TIMD4: variants seen among roughly 807,000 people sequenced by gnomAD.
The protein encoded by TIMD4 is T-cell immunoglobulin and mucin domain-containing protein 4.
TIMD4 carries 31 observed loss-of-function variants against 41.2 expected under a neutral mutation model. The observed-to-expected ratio is 0.75, with a 90% CI of 0.57 to 1.01. TIMD4 has a LOEUF of 1.01. TIMD4 is among the 50% of genes least tolerant of loss of function. The pLI, the probability that TIMD4 is intolerant of heterozygous loss-of-function variation, is 0.00. For synonymous variants in TIMD4, 204 were observed against 177.1 expected, an observed-to-expected ratio of 1.15 and a Z score of -1.21; for missense variants, 479 against 472.5, an observed-to-expected ratio of 1.01 and a Z score of -0.13.
chr5:156,929,096 G>A (rs899640436), intron 5 of TIMD4, among the ~76,000 whole-genome samples: 5 of 152,078 alleles, frequency 3.3e-5, no homozygotes, highest in Non-Finnish European at 5.9e-5. Context: ...GCACTCCAAG[G>A]GCTACAGTGT....
chr5:156,934,226 T>C (rs1439740557), intron 5 of TIMD4, among the ~76,000 whole-genome samples: 10 of 152,230 alleles, frequency 6.6e-5, no homozygotes, highest in Non-Finnish European at 1.2e-4. Context: ...GGCACAGTTA[T>C]AAGCACTTTG....
chr5:156,948,338 A>AAT, intron 5 of TIMD4, 78 bp downstream of exon 5: 1 of 852,842 alleles, frequency 1.2e-6, no homozygotes, highest in Non-Finnish European at 1.5e-6. Context: ...AAAAAAAAAA[A>AAT]GCAAGATTCT....
At chr5:156,926,957 C>T (rs1759358943) in intron 5 of TIMD4, among the ~76,000 whole-genome samples, 1 of 152,124 alleles carries the variant, frequency 6.6e-6, no homozygotes, top group Non-Finnish European at 1.5e-5. Flanking sequence ...TGAGAATCTA[C>T]CAAATGCTAA....
intron 7 of TIMD4, among the ~76,000 whole-genome samples, chr5:156,920,944 A>C (rs1248601487): frequency 6.6e-6 from 1 of 152,170 alleles, no homozygotes; most frequent in African/African-American, 2.4e-5. Context: ...TTATTATTCA[A>C]ATCAGCTGAG....
chr5:156,926,830 T>A (rs1249728027), intron 5 of TIMD4, among the ~76,000 whole-genome samples: 1 of 152,196 alleles, frequency 6.6e-6, no homozygotes, highest in Non-Finnish European at 1.5e-5. Context: ...GGACATATCA[T>A]GAGGATGCCA....
intron 5 of TIMD4, among the ~76,000 whole-genome samples, chr5:156,940,710 C>T (rs555584897): frequency 1.3e-5 from 2 of 151,088 alleles, no homozygotes; most frequent in South Asian, 2.1e-4. Flanking sequence ...GGAGCCCCTC[C>T]GCCCGGCAGC....
At chr5:156,949,401 C>A (rs1759808415) in intron 4 of TIMD4, among the ~76,000 whole-genome samples, 1 of 147,830 alleles carries the variant, frequency 6.8e-6, no homozygotes, top group Admixed American at 7.0e-5. Context: ...CAAGAAGGGT[C>A]TTCCTTTTCC....
At chr5:156,940,104 G>A (rs1441073727) in intron 5 of TIMD4, among the ~76,000 whole-genome samples, 1 of 152,244 alleles carries the variant, frequency 6.6e-6, no homozygotes, top group Non-Finnish European at 1.5e-5. Flanking sequence ...TTGCAGGCGC[G>A]TGCCGCCAGG....
intron 7 of TIMD4, among the ~76,000 whole-genome samples, chr5:156,921,194 A>C (rs1759230712): frequency 6.6e-6 from 1 of 152,022 alleles, no homozygotes; most frequent in Non-Finnish European, 1.5e-5. Flanking sequence ...AAAACTACAG[A>C]CCTTGTCCCC....
At chr5:156,960,844 T>C (rs946489077) in intron 1 of TIMD4, among the ~76,000 whole-genome samples, 4 of 152,200 alleles carry the variant, frequency 2.6e-5, no homozygotes, top group Admixed American at 2.6e-4. Context: ...GAGTGAGCAT[T>C]TGCTATAGAG....
At chr5:156,935,061 G>A (rs1177073830) in intron 5 of TIMD4, among the ~76,000 whole-genome samples, 7 of 152,152 alleles carry the variant, frequency 4.6e-5, no homozygotes, top group African/African-American at 1.2e-4. Flanking sequence ...TCGGGCTTAC[G>A]CTGCCCCCTG....
chr5:156,948,384 A>T, intron 5 of TIMD4, 32 bp downstream of exon 5: 1 of 1,254,380 alleles, frequency 8.0e-7, no homozygotes, highest in Non-Finnish European at 1.0e-6. Flanking sequence ...TAATAAAGTA[A>T]AATAAAATAA....
chr5:156,950,664 G>A (rs1407302650), intron 3 of TIMD4, among the ~76,000 whole-genome samples: 1 of 152,144 alleles, frequency 6.6e-6, no homozygotes, highest in East Asian at 1.9e-4. Context: ...TCAGTGAGAG[G>A]TACAAGTTGC....
At chr5:156,924,227 G>T (rs898797227) in intron 6 of TIMD4, 4 of 412,116 alleles carry the variant, frequency 9.7e-6, no homozygotes, top group African/African-American at 4.1e-5. Context: ...TCCCATGAAG[G>T]TTTATGAGTT....
rs556609352 is a variant in TIMD4 at position 156,946,516 on chromosome 5, G to A, written c.844+1900C>T. On this transcript the variant is annotated intron_variant, in intron 5 of 8. Coordinates refer to ENST00000274532, the MANE Select transcript of TIMD4 (RefSeq NM_138379.3). ...GTTTTGAGACGGAGTCTCACTCGTC[G>A]CCCAGGCTGGAGTGCAGTGGCACAA... is the stretch of plus-strand genomic sequence containing the variant. Among the ~76,000 whole-genome samples the A allele has an allele frequency of 3.3e-5, 5 of 152,064 alleles. No individual in the cohort carries two copies. In the East Asian group the frequency reaches 7.7e-4, roughly 24 times the overall value.
intron 2 of TIMD4, among the ~76,000 whole-genome samples, chr5:156,952,289 CAA>C (rs765141627): frequency 1.9e-4 from 22 of 115,176 alleles, no homozygotes; most frequent in Admixed American, 1.8e-4. Flanking sequence ...GACTCCATCT[CAA>C]AAAAAAAAAA....
At chr5:156,949,787 G>T in intron 3 of TIMD4, 56 bp from the exon 4 acceptor site, 1 of 1,048,992 alleles carries the variant, frequency 9.5e-7, no homozygotes, top group Non-Finnish European at 1.5e-6. Context: ...TTGTGTTTGT[G>T]GTGGGTGGTG....
rs867403149 is a variant in TIMD4, at chr5:156,952,694, C to T, written c.401-904G>A. On this transcript the variant is annotated intron_variant, in intron 2 of 8. Transcript: ENST00000274532. ...ATGCTCTCATAGTTTACCTCCACAG[C>T]CTTTATTGCATTTCATAACTGCACA... 6.6e-5 allele frequency among the ~76,000 whole-genome samples: 10 copies of T among 152,306 alleles called. No homozygotes were observed. In the South Asian group the frequency reaches 1.7e-3, roughly 25 times the overall value.
At chr5:156,922,712 C>G (rs981397122) in intron 6 of TIMD4, among the ~76,000 whole-genome samples, 1 of 152,200 alleles carries the variant, frequency 6.6e-6, no homozygotes, top group Non-Finnish European at 1.5e-5. Flanking sequence ...ATGAGATATA[C>G]AGTATACTTT....
Sources: allele counts gnomAD v4.1 joint callset (sites outside exome capture counted in the v4.1 genomes callset), GRCh38; gene constraint gnomAD v4.1.1; transcripts MANE v1.5; gene names NCBI Gene and HGNC (gene_info 2026-07-23, HGNC 2026-07-21).